The following DPYSL2 variants were observed in gnomAD, a reference collection of about 807,000 sequenced individuals.
The protein encoded by DPYSL2 is dihydropyrimidinase-related protein 2.
Under a neutral mutation model 69.9 loss-of-function variants are expected in DPYSL2, and 13 were observed. That is an observed-to-expected ratio of 0.19 (90% CI 0.12 to 0.30). The LOEUF is 0.30. Among genes scored for constraint, DPYSL2 ranks in the 10% least tolerant of loss-of-function variants. The probability of loss-of-function intolerance (pLI) is 1.00; values close to 1 mark genes in which losing one functional copy is unlikely to be tolerated. For synonymous variants in DPYSL2, 326 were observed against 359.1 expected, an observed-to-expected ratio of 0.91 and a Z score of 1.04; for missense variants, 587 against 918.9, an observed-to-expected ratio of 0.64 and a Z score of 4.67.
At chr8:26,618,358 G>A (rs539862534) in intron 3 of DPYSL2, among the ~76,000 whole-genome samples, 25 of 150,550 alleles carry the variant, frequency 1.7e-4, no homozygotes, top group African/African-American at 6.1e-4. Flanking sequence ...TGTTGCCCAA[G>A]CTGAAGTGCA....
rs1196628872 is a variant in DPYSL2, at chr8:26,640,583, A to C, written c.1127-2856A>C. On this transcript the variant is annotated intron_variant, in intron 8 of 13. Coordinates refer to ENST00000521913, the MANE Select transcript of DPYSL2 (RefSeq NM_001197293.3). The surrounding 1 kb of genome is among the most constrained non-coding windows in gnomAD (Gnocchi z 4.2). The stretch of plus-strand genomic sequence containing the variant: ...AGCCCTGGGTTGGGAGCTCCAGACC[A>C]CTGGGGATGGGAGGCAGAGACTCTA... 1.3e-5 allele frequency among the ~76,000 whole-genome samples: 2 copies of C among 152,222 alleles called. No homozygotes were observed. Among genetic ancestry groups the C allele is most frequent in the East Asian group, 1.9e-4 (1 of 5,164 alleles).
intron 10 of DPYSL2, among the ~76,000 whole-genome samples, chr8:26,645,165 C>T (rs568090589): frequency 2.0e-5 from 3 of 151,972 alleles, no homozygotes; most frequent in South Asian, 2.1e-4. Context: ...TTTGGGAGGC[C>T]GAGGTGGGTG....
At chr8:26,618,614 C>T (rs1488815238) in intron 3 of DPYSL2, among the ~76,000 whole-genome samples, 2 of 150,916 alleles carry the variant, frequency 1.3e-5, no homozygotes, top group Non-Finnish European at 1.5e-5. Context: ...TCACTGAACC[C>T]AGCTCATGCC....
At chr8:26,634,924 T>A (rs1251009839) in intron 8 of DPYSL2, 24 bp downstream of exon 8, 1 of 1,613,412 alleles carries the variant, frequency 6.2e-7, no homozygotes, top group Admixed American at 1.7e-5. Flanking sequence ...CCGGACTGGC[T>A]GATGGCAGGT....
intron 1 of DPYSL2, among the ~76,000 whole-genome samples, chr8:26,530,956 G>A (rs1800501273): frequency 1.3e-5 from 2 of 152,004 alleles, no homozygotes; most frequent in African/African-American, 4.8e-5. Flanking sequence ...CTACACAGGA[G>A]GCTGAGGTGC....
intron 3 of DPYSL2, among the ~76,000 whole-genome samples, chr8:26,601,480 C>T (rs919935474): frequency 3.2e-4 from 49 of 152,252 alleles, no homozygotes; most frequent in Non-Finnish European, 7.2e-4. Flanking sequence ...TGGGTTCACG[C>T]CATTCTCCTG....
At chr8:26,554,706 A>G (rs961202584) in intron 1 of DPYSL2, among the ~76,000 whole-genome samples, 2 of 152,204 alleles carry the variant, frequency 1.3e-5, no homozygotes, top group Non-Finnish European at 1.5e-5. Context: ...GGAGTAAATC[A>G]TACCAATTCT....
rs972084088 is a variant in DPYSL2 at position 26,560,323 on chromosome 8, T to C, written c.355-21646T>C. On this transcript the variant is annotated intron_variant, in intron 1 of 13. Transcript: ENST00000521913. The surrounding 1 kb of genome is among the most constrained non-coding windows in gnomAD (Gnocchi z 4.4). ...AATAAGACAAGCCTTAGAATACTTT[T>C]AGACAGAGCCCAATCAAAGGATTTA... 6.6e-6 allele frequency among the ~76,000 whole-genome samples: 1 copy of C among 152,228 alleles called. No homozygotes were observed. The highest frequency in any genetic ancestry group is 1.5e-5 in the Non-Finnish European group (1 of 68,038).
chr8:26,631,050 G>A (rs1313051052), intron 7 of DPYSL2, among the ~76,000 whole-genome samples: 1 of 152,200 alleles, frequency 6.6e-6, no homozygotes, highest in Admixed American at 6.5e-5. Flanking sequence ...AAGTTTTAGA[G>A]CCTTCTGAGG....
chr8:26,633,466 C>T (rs1345047966), intron 7 of DPYSL2, among the ~76,000 whole-genome samples: 2 of 152,000 alleles, frequency 1.3e-5, no homozygotes, highest in Non-Finnish European at 2.9e-5. Context: ...TCTGAACATC[C>T]GATGTATTTA....
In DPYSL2 at chr8:26,653,548, T is replaced by G; in HGVS notation, c.1942+151T>G. 1 of 907,076 alleles carries G rather than the reference T, an allele frequency of 1.1e-6. No homozygotes were observed. Among genetic ancestry groups the G allele is most frequent in the Non-Finnish European group, 1.6e-6 (1 of 608,056 alleles). 56.2% of individuals were successfully genotyped at this position (907,076 alleles called of 1,614,324 possible). A position where few individuals can be genotyped will look rare whatever the true frequency, so the allele number is the denominator to read the frequency against. On this transcript the variant is annotated intron_variant, in intron 13 of 13. Coordinates refer to ENST00000521913, the MANE Select transcript of DPYSL2 (RefSeq NM_001197293.3). The surrounding 1 kb of genome is among the most constrained non-coding windows in gnomAD (Gnocchi z 5.7). ...GAGAAATACAGTGGACTCAGATCTC[T>G]GGAGATGTATTTTCTTTTTCTTTTT...
At position 26,571,460 on chromosome 8, in the gene DPYSL2, G is replaced by A. The variant is rs1223911209; in HGVS notation, c.355-10509G>A. 1.3e-5 allele frequency among the ~76,000 whole-genome samples: 2 copies of A among 152,166 alleles called. No homozygotes were observed. The highest frequency in any genetic ancestry group is 2.9e-5 in the Non-Finnish European group (2 of 68,040). On this transcript the variant is annotated intron_variant, in intron 1 of 13. Coordinates refer to ENST00000521913, the MANE Select transcript of DPYSL2 (RefSeq NM_001197293.3). This position sits in a 1 kb window ranked among gnomAD's most constrained non-coding sequence, Gnocchi z 6.1. ...ACGATGGCTGAGCTAGGTGCCCTTT[G>A]TCCCCATCAGGGATAGAAAGACCCC... is the stretch of plus-strand genomic sequence containing the variant.
intron 1 of DPYSL2, chr8:26,577,761 C>T: frequency 2.0e-6 from 2 of 976,690 alleles, no homozygotes; most frequent in East Asian, 1.1e-4. Flanking sequence ...CTGCCGCCCC[C>T]GGCCGTTCAC....
chr8:26,634,428 C>CTTTTTTTTTTTTTTTTTTTTT (rs55746168), intron 7 of DPYSL2, among the ~76,000 whole-genome samples: 3 of 91,146 alleles, frequency 3.3e-5, no homozygotes, highest in Non-Finnish European at 4.2e-5. Flanking sequence ...CCATGCCCAG[C>CTTTTTTTTTTTTTTTTTTTTT]TTTTTTTTTT....
At chr8:26,578,088 C>G in intron 1 of DPYSL2, 2 of 1,497,634 alleles carry the variant, frequency 1.3e-6, no homozygotes, top group Non-Finnish European at 1.8e-6. Context: ...TGCATTCATC[C>G]GTTACGTTCT....
intron 3 of DPYSL2, among the ~76,000 whole-genome samples, chr8:26,615,738 G>T (rs115970313): frequency 6.6e-6 from 1 of 152,150 alleles, no homozygotes; most frequent in Non-Finnish European, 1.5e-5. Context: ...CATGAAAAAT[G>T]CTGGGATGTA....
At chr8:26,634,560 G>C (rs1342387236) in intron 7 of DPYSL2, among the ~76,000 whole-genome samples, 1 of 151,506 alleles carries the variant, frequency 6.6e-6, no homozygotes, top group Admixed American at 6.6e-5. Flanking sequence ...GGGATTACAG[G>C]CATGAGCCAC....
Position 26,655,675 on chromosome 8 carries a change from G to A in DPYSL2, c.2003G>A (p.Gly668Asp). Residue 668 changes from glycine to aspartate, a missense_variant, in exon 14 of 14, where the codon GGT (glycine) becomes GAT (aspartate). Transcript: ENST00000521913. ...RTTQRIVAPP[G>D]GRANITSLG ...ACCCAGCGTATCGTGGCGCCCCCCG[G>A]TGGCCGTGCCAACATCACCAGCCTG... The A allele has an allele frequency of 6.2e-7, 1 of 1,608,828 alleles. No individual in the cohort carries two copies. Among genetic ancestry groups the A allele is most frequent in the Non-Finnish European group, 8.5e-7 (1 of 1,179,312 alleles).
rs753373401 is a variant in DPYSL2 at position 26,610,845 on chromosome 8, T to A, written c.629-13298T>A. ...TTTTGTAGGCCCTACTGTTGTTAGC[T>A]GTTCGTAGATACTATTTCAGAACAA... is the stretch of plus-strand genomic sequence containing the variant. On this transcript the variant is annotated intron_variant, in intron 3 of 13. Coordinates refer to ENST00000521913, the MANE Select transcript of DPYSL2 (RefSeq NM_001197293.3). This position sits in a 1 kb window ranked among gnomAD's most constrained non-coding sequence, Gnocchi z 4.5. Among the ~76,000 whole-genome samples the A allele has an allele frequency of 6.6e-6, 1 of 152,228 alleles. No individual in the cohort carries two copies. Among genetic ancestry groups the A allele is most frequent in the Non-Finnish European group, 1.5e-5 (1 of 68,042 alleles).
Sources: allele counts gnomAD v4.1 joint callset (sites outside exome capture counted in the v4.1 genomes callset), GRCh38; gene constraint gnomAD v4.1.1; non-coding constraint Gnocchi (gnomAD v3.1); transcripts MANE v1.5; gene names NCBI Gene and HGNC (gene_info 2026-07-23, HGNC 2026-07-21).